ACVR1C: variants seen among roughly 807,000 people sequenced by gnomAD.
ACVR1C encodes activin receptor type-1C.
In ACVR1C, 23 loss-of-function variants were observed where a neutral mutation model predicts 57.9. The ratio of observed to expected loss-of-function variants is 0.40; its 90% CI spans 0.29 to 0.56. ACVR1C has a LOEUF of 0.56. ACVR1C is among the 20% of genes least tolerant of loss of function. The pLI is 0.50. For synonymous variants in ACVR1C, 214 were observed against 215.3 expected (o/e 0.99, Z 0.05); for missense variants, 480 against 607.9 (o/e 0.79, Z 2.21).
intron 1 of ACVR1C, among the ~76,000 whole-genome samples, chr2:157,621,417 C>T (rs956973690): frequency 2.0e-5 from 3 of 152,152 alleles, no homozygotes; most frequent in African/African-American, 7.2e-5. Flanking sequence ...CATACTCCCA[C>T]CCACCTCCTC....
rs1231900839 is a variant in ACVR1C, at chr2:157,559,975, A to AGGAG, written c.305-3647_305-3644dup. ...AGGAGGCAGGGAGGGAAGGAAGAAA[A>AGGAG]GGAGGGAGGGAGGGAGGAAACGAAG... On this transcript the variant is annotated intron_variant, in intron 2 of 8. Transcript: ENST00000243349. Among the ~76,000 whole-genome samples the AGGAG allele has an allele frequency of 1.5e-4, 22 of 151,046 alleles. 1 individual carries two copies. The highest frequency in any genetic ancestry group is 4.8e-4 in the African/African-American group (20 of 41,304).
chr2:157,541,489 T>A (rs1225218695), intron 6 of ACVR1C, among the ~76,000 whole-genome samples: 2 of 152,196 alleles, frequency 1.3e-5, no homozygotes, highest in Non-Finnish European at 2.9e-5. Flanking sequence ...CTACAGTCCA[T>A]GGGCCTGACT....
rs373525111 is a variant in ACVR1C at position 157,601,850 on chromosome 2, T to C, written c.74-14433A>G. On this transcript the variant is annotated intron_variant, in intron 1 of 8. Coordinates refer to ENST00000243349, the MANE Select transcript of ACVR1C (RefSeq NM_145259.3). ...TAATTCCTATCTCACAGGATTAGTATGAAAATTTTAAAAAGAGATATTCTA... is the reference window on the plus strand; with the variant it reads ...TAATTCCTATCTCACAGGATTAGTACGAAAATTTTAAAAAGAGATATTCTA... Among the ~76,000 whole-genome samples the C allele has an allele frequency of 9.9e-4, 151 of 152,262 alleles. 3 individuals carry two copies. In the South Asian group the frequency reaches 0.03, roughly 30 times the overall value.
intron 3 of ACVR1C, among the ~76,000 whole-genome samples, chr2:157,555,101 C>CT (rs60269781): frequency 0.018 from 1,522 of 83,952 alleles, 448 homozygotes; most frequent in Non-Finnish European, 0.024. Flanking sequence ...ACTTTGAACG[C>CT]TTTTTTTTTT....
At chr2:157,574,566 C>A (rs1487334046) in intron 2 of ACVR1C, among the ~76,000 whole-genome samples, 2 of 149,870 alleles carry the variant, frequency 1.3e-5, no homozygotes, top group African/African-American at 4.9e-5. Context: ...TCAAATAAAA[C>A]CTGTCTACGG....
chr2:157,572,136 T>C (rs1688523763), intron 2 of ACVR1C, among the ~76,000 whole-genome samples: 1 of 106,484 alleles, frequency 9.4e-6, no homozygotes, highest in African/African-American at 3.7e-5. Context: ...AAACACCGCA[T>C]ATTCTCACTC....
chr2:157,595,775 T>C (rs1418590345), intron 1 of ACVR1C, among the ~76,000 whole-genome samples: 2 of 152,222 alleles, frequency 1.3e-5, no homozygotes, highest in African/African-American at 2.4e-5. Flanking sequence ...ACAGCTGTGA[T>C]ATAACAAGTT....
intron 3 of ACVR1C, among the ~76,000 whole-genome samples, chr2:157,554,255 G>GAAAC (rs1179535079): frequency 8.1e-6 from 1 of 123,690 alleles, no homozygotes; most frequent in African/African-American, 3.6e-5. Context: ...AAGAAAGAAA[G>GAAAC]AAAGAAAGAA....
intron 6 of ACVR1C, among the ~76,000 whole-genome samples, chr2:157,542,397 TC>T (rs1400313117): frequency 6.6e-6 from 1 of 152,192 alleles, no homozygotes; most frequent in Non-Finnish European, 1.5e-5. Flanking sequence ...GACATTTTTT[TC>T]TTATCTGTAG....
chr2:157,533,733 G>T lies in ACVR1C; in HGVS notation c.*185C>A. The stretch of plus-strand genomic sequence containing the variant: ...AAAATTAAACATAACATAGAGATTG[G>T]ATGAAGTCAACTCCTGCCCATGCTT... On this transcript the variant is annotated 3_prime_UTR_variant, in exon 9 of 9. Transcript: ENST00000243349. The T allele has an allele frequency of 2.6e-6, 1 of 388,980 alleles. No homozygotes were observed. Among genetic ancestry groups the T allele is most frequent in the Non-Finnish European group, 4.3e-6 (1 of 230,194 alleles). The allele number at this position is 388,980 out of a possible 1,614,324, so 24.1% of individuals were successfully genotyped here. A position where few individuals can be genotyped will look rare whatever the true frequency, so the allele number is the denominator to read the frequency against.
At chr2:157,580,080 CACAA>C (rs1355611553) in intron 2 of ACVR1C, among the ~76,000 whole-genome samples, 1 of 152,040 alleles carries the variant, frequency 6.6e-6, no homozygotes, top group Admixed American at 6.6e-5. Context: ...CACACACACA[CACAA>C]ACACACACGC....
intron 2 of ACVR1C, among the ~76,000 whole-genome samples, chr2:157,562,645 A>G (rs983800408): frequency 6.6e-6 from 1 of 152,060 alleles, no homozygotes; most frequent in Non-Finnish European, 1.5e-5. Flanking sequence ...TCCTGATACC[A>G]AAACCTGGCA....
intron 2 of ACVR1C, among the ~76,000 whole-genome samples, chr2:157,582,855 G>T (rs1688823587): frequency 6.6e-6 from 1 of 152,086 alleles, no homozygotes; most frequent in Non-Finnish European, 1.5e-5. Context: ...AAAGCTACTA[G>T]AACTAATATA....
chr2:157,585,136 C>T (rs1279301470), intron 2 of ACVR1C, among the ~76,000 whole-genome samples: 1 of 152,090 alleles, frequency 6.6e-6, no homozygotes, highest in African/African-American at 2.4e-5. Context: ...GTGGTGGTTA[C>T]ATGGGCATAT....
chr2:157,599,288 GGCGCCACTGCACTACA>G (rs1682221834), intron 1 of ACVR1C, among the ~76,000 whole-genome samples: 1 of 122,428 alleles, frequency 8.2e-6, no homozygotes, highest in African/African-American at 3.2e-5. Flanking sequence ...GGGCCAAGAT[GGCGCCACTGCACTACA>G]GCCTGGGCTC....
chr2:157,616,343 A>G (rs970429895), intron 1 of ACVR1C, among the ~76,000 whole-genome samples: 3 of 152,088 alleles, frequency 2.0e-5, no homozygotes, highest in African/African-American at 4.8e-5. Flanking sequence ...TGTCAGGTCA[A>G]TTGATGAGCA....
chr2:157,628,318 C>T (rs905534172), intron 1 of ACVR1C, among the ~76,000 whole-genome samples: 2 of 152,146 alleles, frequency 1.3e-5, no homozygotes, highest in Non-Finnish European at 2.9e-5. Flanking sequence ...TACTTATTCC[C>T]CCACGTCCCT....
intron 2 of ACVR1C, among the ~76,000 whole-genome samples, chr2:157,575,449 T>C (rs1489390899): frequency 6.6e-6 from 1 of 152,156 alleles, no homozygotes; most frequent in Non-Finnish European, 1.5e-5. Flanking sequence ...CTTTATTTTT[T>C]GTAGAGATGC....
rs1338942885 is a variant in ACVR1C at position 157,589,032 on chromosome 2, G to T, written c.74-1615C>A. On this transcript the variant is annotated intron_variant, in intron 1 of 8. Transcript: ENST00000243349. ...TGCTGAAATAAACATACACCTGCAG[G>T]TATCTTTTTGACACCCAATTGTGGG... Among the ~76,000 whole-genome samples, 21 of 151,308 alleles carry T rather than the reference G, an allele frequency of 1.4e-4. No individual in the cohort carries two copies. The South Asian group carries it at 2.7e-3, about 20-fold the overall frequency.
Sources: allele counts gnomAD v4.1 joint callset (sites outside exome capture counted in the v4.1 genomes callset), GRCh38; gene constraint gnomAD v4.1.1; transcripts MANE v1.5; gene names NCBI Gene and HGNC (gene_info 2026-07-23, HGNC 2026-07-21).